CCNB3: variants seen among roughly 807,000 people sequenced by gnomAD.
CCNB3 encodes cyclin B3.
Under a neutral mutation model 68.0 loss-of-function variants are expected in CCNB3, and 12 were observed. The observed-to-expected ratio is 0.18, with a 90% CI of 0.11 to 0.29. The LOEUF (loss-of-function observed/expected upper bound fraction) is 0.29, where lower values mean the gene tolerates loss of function less well. Among genes scored for constraint, CCNB3 ranks in the 10% least tolerant of loss-of-function variants. CCNB3 has a pLI of 1.00. For missense variants in CCNB3, 904 were observed against 993.1 expected, an observed-to-expected ratio of 0.91 and a Z score of 1.21; for synonymous variants, 354 against 388.9, an observed-to-expected ratio of 0.91 and a Z score of 1.06.
intron 8 of CCNB3, among the ~76,000 whole-genome samples, chrX:50,340,976 A>G (rs1213440947): frequency 3.6e-5 from 4 of 111,834 alleles, no homozygotes; most frequent in African/African-American, 1.3e-4. Context: ...ACGAAAACCT[A>G]TGGGATAAAA....
At chrX:50,294,301 C>T (rs782462137) in intron 4 of CCNB3, among the ~76,000 whole-genome samples, 1 of 110,415 alleles carries the variant, frequency 9.1e-6, no homozygotes, top group South Asian at 3.9e-4. Flanking sequence ...ATTAACAGTC[C>T]CATGATCTTT....
intron 8 of CCNB3, among the ~76,000 whole-genome samples, chrX:50,327,706 T>G (rs1922364486): frequency 2.7e-5 from 3 of 112,197 alleles, no homozygotes; most frequent in African/African-American, 9.7e-5. Context: ...AGTCATTACT[T>G]TTCACATGCA....
At chrX:50,321,458 C>A (rs1183310350) in intron 8 of CCNB3, among the ~76,000 whole-genome samples, 12 of 111,417 alleles carry the variant, frequency 1.1e-4, no homozygotes, top group Non-Finnish European at 2.3e-4. Flanking sequence ...AATCCTTAGT[C>A]TATTGGGTGT....
intron 1 of CCNB3, among the ~76,000 whole-genome samples, chrX:50,228,124 A>G (rs1430178653): frequency 1.1e-5 from 1 of 90,714 alleles, no homozygotes; most frequent in East Asian, 3.2e-4. Flanking sequence ...TAAATAATAT[A>G]TGAATATATA....
rs1346308517 is a variant in CCNB3, at chrX:50,310,521, C to A, written c.2352C>A (p.Ala784=). The part of the protein sequence containing the change: ...EEEFLNKQPL[A]LEGYPSIAEG... Reference sequence around the variant, plus strand: ...AGTTCCTTAATAAGCAGCCACTGGCCTTGGAGGGGTATCCCAGCATTGCGG... The same window carrying A: ...AGTTCCTTAATAAGCAGCCACTGGCATTGGAGGGGTATCCCAGCATTGCGG... The change falls in exon 6 of 13, where the codon GCC becomes GCA. Residue 784 remains alanine, a synonymous_variant. Coordinates refer to ENST00000376042, the MANE Select transcript of CCNB3 (RefSeq NM_033031.3). The A allele has an allele frequency of 8.3e-7, 1 of 1,209,487 alleles. No individual in the cohort carries two copies. The highest frequency in any genetic ancestry group is 1.1e-6 in the Non-Finnish European group (1 of 894,791).
intron 1 of CCNB3, among the ~76,000 whole-genome samples, chrX:50,222,544 A>C (rs1935688828): frequency 9.0e-6 from 1 of 111,705 alleles, no homozygotes; most frequent in Non-Finnish European, 1.9e-5. Flanking sequence ...TTGGCTGGAT[A>C]TGAAATTCTG....
Position 50,288,802 on chromosome X carries a change from A to C in CCNB3, c.119A>C (p.Lys40Thr), listed in dbSNP as rs782200108. The part of the protein sequence containing the change: ...SEKTGENCQT[K>T]ISPSSLQESP... ...TAGACGGGGGAGAATTGCCAAACGA[A>C]GATATCTCCATCTTCACTTCAGGAG... is the stretch of plus-strand genomic sequence containing the variant. Residue 40 changes from lysine (K) to threonine (T), a missense_variant, in exon 4 of 13, where the codon AAG becomes ACG. By Grantham distance (78) the Lys-to-Thr change is moderately conservative. Coordinates refer to ENST00000376042, the MANE Select transcript of CCNB3 (RefSeq NM_033031.3). 2 of 1,205,870 alleles carry C rather than the reference A, an allele frequency of 1.7e-6. No individual in the cohort carries two copies. The highest frequency in any genetic ancestry group is 3.5e-5 in the South Asian group (2 of 56,423).
intron 5 of CCNB3, among the ~76,000 whole-genome samples, chrX:50,300,343 T>G (rs782067050): frequency 9.0e-6 from 1 of 111,449 alleles, no homozygotes; most frequent in South Asian, 3.8e-4. Context: ...TGACAAAATC[T>G]CTCAGCATTT....
rs782727486 is a variant in CCNB3, at chrX:50,342,310, A to G, written c.3625A>G (p.Thr1209Ala). 1 of 1,204,248 alleles carries G rather than the reference A, an allele frequency of 8.3e-7. No homozygotes were observed. The highest frequency in any genetic ancestry group is 1.8e-5 in the South Asian group (1 of 55,172). ...GGATAAGTTACAACTCCTTGGTGCC[A>G]CTGCCTTTATGATTGCAGCAAAATT... ...KKDKLQLLGA[T>A]AFMIAAKFEE... Residue 1209 changes from threonine to alanine, a missense_variant, in exon 9 of 13, where the codon ACT becomes GCT. Thr to Ala is a moderately conservative substitution (Grantham distance 58). This residue lies in a region of CCNB3 where 285 missense variants were observed against 383.4 expected (regional missense o/e 0.74). Transcript: ENST00000376042.
At chrX:50,281,394 A>C (rs917750591) in intron 1 of CCNB3, among the ~76,000 whole-genome samples, 1 of 108,868 alleles carries the variant, frequency 9.2e-6, no homozygotes, top group African/African-American at 3.4e-5. Context: ...CTCCTGGTCT[A>C]GGGGTGCGTC....
In CCNB3 at chrX:50,311,947, G is replaced by A. The variant is rs184416946; in HGVS notation, c.3327+451G>A. ...CTATATACTTGGGCTTTGCAATAGT[G>A]GCCAGGTAATTTCATTCAGGAAATT... On this transcript the variant is annotated intron_variant, in intron 6 of 12. Transcript: ENST00000376042. Among the ~76,000 whole-genome samples the A allele has an allele frequency of 5.8e-3, 639 of 110,398 alleles. 7 individuals carry two copies. Among genetic ancestry groups the A allele is most frequent in the African/African-American group, 0.02 (597 of 30,407 alleles).
intron 8 of CCNB3, among the ~76,000 whole-genome samples, chrX:50,340,630 C>T (rs782011433): frequency 8.9e-6 from 1 of 112,250 alleles, no homozygotes; most frequent in South Asian, 3.7e-4. Flanking sequence ...CAGGAGTAAC[C>T]TTTGGCTAAT....
At chrX:50,226,216 A>G (rs1935773104) in intron 1 of CCNB3, among the ~76,000 whole-genome samples, 2 of 69,565 alleles carry the variant, frequency 2.9e-5, no homozygotes, top group African/African-American at 1.2e-4. Context: ...ATATATTTAT[A>G]TATATAGAAT....
chrX:50,339,902 C>T (rs1208199978), intron 8 of CCNB3, among the ~76,000 whole-genome samples: 1 of 111,064 alleles, frequency 9.0e-6, no homozygotes, highest in Non-Finnish European at 1.9e-5. Context: ...CCCAAACACA[C>T]CTCACCAGGC....
At chrX:50,336,593 C>T (rs909000274) in intron 8 of CCNB3, among the ~76,000 whole-genome samples, 2 of 112,284 alleles carry the variant, frequency 1.8e-5, no homozygotes, top group Non-Finnish European at 1.9e-5. Context: ...AGTGTACATA[C>T]GGTAAGCCTC....
At chrX:50,342,013 G>A in intron 8 of CCNB3, 189 bp from the exon 9 acceptor site, 1 of 426,255 alleles carries the variant, frequency 2.3e-6, no homozygotes, top group Non-Finnish European at 4.1e-6. Context: ...GATAGATAAT[G>A]CCAGTGTCCT....
rs782764236 is a variant in CCNB3 at position 50,309,658 on chromosome X, A to C, written c.1489A>C (p.Thr497Pro). Residue 497 changes from threonine to proline, a missense_variant, in exon 6 of 13, where the codon ACT (threonine) becomes CCT (proline). Physicochemically the swap from Thr to Pro is conservative, Grantham distance 38 (BLOSUM62 -1). This residue lies in a region of CCNB3 where 619 missense variants were observed against 609.8 expected (regional missense o/e 1.02). Coordinates refer to ENST00000376042, the MANE Select transcript of CCNB3 (RefSeq NM_033031.3). ...KPLILKRKHA[T>P]QGTMSHLKKP... ...TTTAATTTTAAAGAGGAAGCATGCC[A>C]CTCAGGGGACAATGTCCCACTTGAA... The C allele has an allele frequency of 5.8e-6, 7 of 1,208,652 alleles. No homozygotes were observed. The East Asian group carries it at 1.8e-4, about 31-fold the overall frequency.
At chrX:50,220,703 A>G (rs1935655587) in intron 1 of CCNB3, among the ~76,000 whole-genome samples, 1 of 111,691 alleles carries the variant, frequency 9.0e-6, no homozygotes, top group Admixed American at 9.5e-5. Context: ...TTTTGCATCA[A>G]TGTTCGTCAG....
intron 5 of CCNB3, among the ~76,000 whole-genome samples, chrX:50,305,210 A>T (rs782359622): frequency 8.9e-6 from 1 of 112,001 alleles, no homozygotes; most frequent in Non-Finnish European, 1.9e-5. Flanking sequence ...GCACATATAT[A>T]TTTATTGCAG....
Sources: allele counts gnomAD v4.1 joint callset (sites outside exome capture counted in the v4.1 genomes callset), GRCh38; gene constraint gnomAD v4.1.1; regional missense constraint gnomAD v4.1.1; transcripts MANE v1.5; gene names NCBI Gene and HGNC (gene_info 2026-07-23, HGNC 2026-07-21).